The following CEP112 variants were observed in gnomAD, a reference collection of about 807,000 sequenced individuals.
CEP112 encodes centrosomal protein 112.
Under a neutral mutation model 153.0 loss-of-function variants are expected in CEP112, and 127 were observed. The ratio of observed to expected loss-of-function variants is 0.83; its 90% CI spans 0.72 to 0.96. CEP112 has a LOEUF of 0.96. Ranked by LOEUF, CEP112 falls within the 40% of genes least tolerant of loss-of-function variation. The pLI is 0.00. For synonymous variants in CEP112, 358 were observed against 374.4 expected (o/e 0.96, Z 0.51); for missense variants, 1,089 against 1,101.2 (o/e 0.99, Z 0.16).
At chr17:66,165,018 C>G (rs980048824) in intron 4 of CEP112, among the ~76,000 whole-genome samples, 2 of 150,702 alleles carry the variant, frequency 1.3e-5, no homozygotes, top group Non-Finnish European at 3.0e-5. Flanking sequence ...GGGTGATCAT[C>G]ACCAAAAAAG....
At chr17:65,951,740 C>CACG (rs1177754827) in intron 18 of CEP112, among the ~76,000 whole-genome samples, 1 of 106,352 alleles carries the variant, frequency 9.4e-6, no homozygotes, top group Non-Finnish European at 2.0e-5. Context: ...CTAATCTTCC[C>CACG]CCGCCCCCCC....
chr17:66,096,069 C>T (rs2146278039), intron 8 of CEP112, among the ~76,000 whole-genome samples, 182 bp downstream of exon 8: 1 of 152,148 alleles, frequency 6.6e-6, no homozygotes, highest in African/African-American at 2.4e-5. Context: ...TCTGGAAAAA[C>T]AAAAACAAAA....
At chr17:66,102,725 G>A (rs761658338) in intron 6 of CEP112, among the ~76,000 whole-genome samples, 35 of 149,736 alleles carry the variant, frequency 2.3e-4, no homozygotes, top group Middle Eastern at 3.5e-3. Flanking sequence ...ATGAACCTGG[G>A]AGGCAGAGCT....
At chr17:66,139,584 G>T (rs1050874506) in intron 4 of CEP112, among the ~76,000 whole-genome samples, 22 of 152,036 alleles carry the variant, frequency 1.4e-4, no homozygotes, top group Non-Finnish European at 3.1e-4. Context: ...CTCCAGTCCG[G>T]GTGACAGAGT....
intron 4 of CEP112, among the ~76,000 whole-genome samples, chr17:66,136,555 C>T (rs2070443860): frequency 6.6e-6 from 1 of 151,968 alleles, no homozygotes; most frequent in Non-Finnish European, 1.5e-5. Context: ...AGCATATATC[C>T]AACATTCAGA....
intron 21 of CEP112, among the ~76,000 whole-genome samples, chr17:65,836,847 T>C (rs370306440): frequency 1.4e-5 from 2 of 143,756 alleles, no homozygotes; most frequent in Non-Finnish European, 3.0e-5. Context: ...CCCCCTCTGA[T>C]GCCCAGCCGA....
intron 21 of CEP112, among the ~76,000 whole-genome samples, chr17:65,813,495 G>T (rs903193980): frequency 6.6e-6 from 1 of 152,182 alleles, no homozygotes; most frequent in African/African-American, 2.4e-5. Flanking sequence ...TGAGCCAACA[G>T]ATGGTTGGAT....
intron 19 of CEP112, among the ~76,000 whole-genome samples, chr17:65,924,532 G>A (rs1674416662): frequency 6.6e-6 from 1 of 151,968 alleles, no homozygotes; most frequent in Non-Finnish European, 1.5e-5. Context: ...CTGCATACAT[G>A]CACACATGAT....
chr17:65,781,062 C>T (rs1217172182), intron 21 of CEP112, among the ~76,000 whole-genome samples: 1 of 152,094 alleles, frequency 6.6e-6, no homozygotes, highest in Non-Finnish European at 1.5e-5. Context: ...CAATACTTAA[C>T]AAAAGCTCTA....
intron 21 of CEP112, among the ~76,000 whole-genome samples, chr17:65,835,193 TAAAAAA>T (rs35890393): frequency 2.3e-5 from 3 of 130,862 alleles, no homozygotes; most frequent in African/African-American, 8.9e-5. Context: ...AAAATAAAAG[TAAAAAA>T]AAAAAAAAAA....
intron 24 of CEP112, among the ~76,000 whole-genome samples, chr17:65,685,291 T>C (rs2047724664): frequency 6.6e-6 from 1 of 152,218 alleles, no homozygotes. Flanking sequence ...CATTTCTTGT[T>C]TTTATAGAAT....
chr17:66,152,559 T>G (rs1568552222), intron 4 of CEP112, among the ~76,000 whole-genome samples: 1 of 152,164 alleles, frequency 6.6e-6, no homozygotes, highest in Non-Finnish European at 1.5e-5. Flanking sequence ...CTTTGGACAC[T>G]GCATAGACAT....
chr17:65,912,741 T>C (rs2060335314), intron 19 of CEP112, among the ~76,000 whole-genome samples: 1 of 152,202 alleles, frequency 6.6e-6, no homozygotes, highest in African/African-American at 2.4e-5. Flanking sequence ...GTATCCAAAA[T>C]TATATTGATC....
chr17:66,033,217 A>T (rs1189445030), intron 12 of CEP112, among the ~76,000 whole-genome samples: 1 of 152,244 alleles, frequency 6.6e-6, no homozygotes, highest in African/African-American at 2.4e-5. Context: ...CCTAAAGAAC[A>T]GAAATGGTAG....
At chr17:65,682,166 G>A (rs1796818667) in intron 24 of CEP112, among the ~76,000 whole-genome samples, 1 of 150,350 alleles carries the variant, frequency 6.7e-6, no homozygotes, top group Non-Finnish European at 1.5e-5. Context: ...GCTAATTTTT[G>A]TATTTTTAGT....
intron 20 of CEP112, among the ~76,000 whole-genome samples, chr17:65,853,315 T>C (rs2058026026): frequency 6.6e-6 from 1 of 152,186 alleles, no homozygotes; most frequent in East Asian, 1.9e-4. Flanking sequence ...TTCAGATGGA[T>C]TTGTTCTCTC....
At chr17:65,643,516 G>A (rs1314458586) in intron 24 of CEP112, among the ~76,000 whole-genome samples, 1 of 151,140 alleles carries the variant, frequency 6.6e-6, no homozygotes, top group African/African-American at 2.4e-5. Context: ...GGCTAGGCTG[G>A]TCTTGAACTC....
rs537409397 is a variant in CEP112, at chr17:65,661,375, T to C, written c.2698-20310A>G. ...TGTATTAGGCACCATAGTGTACTCTTTTGCATATATTATATTTCATTTAAT... is the reference window on the plus strand; with the variant it reads ...TGTATTAGGCACCATAGTGTACTCTCTTGCATATATTATATTTCATTTAAT... On this transcript the variant is annotated intron_variant, in intron 24 of 26. Coordinates refer to ENST00000535342, the MANE Select transcript of CEP112 (RefSeq NM_001199165.4). 2.0e-5 allele frequency among the ~76,000 whole-genome samples: 3 copies of C among 152,320 alleles called. No homozygotes were observed. In the South Asian group the frequency reaches 6.2e-4, roughly 32 times the overall value.
chr17:65,780,658 A>AT (rs1357567504), intron 21 of CEP112, among the ~76,000 whole-genome samples: 1 of 152,120 alleles, frequency 6.6e-6, no homozygotes, highest in Non-Finnish European at 1.5e-5. Flanking sequence ...TATTTAACAA[A>AT]TTTTAATAAG....
Sources: gnomAD v4.1 joint callset for allele counts (sites outside exome capture counted in the v4.1 genomes callset) on GRCh38, gnomAD v4.1.1 for gene constraint, MANE v1.5 for transcripts, NCBI Gene and HGNC (gene_info 2026-07-23, HGNC 2026-07-21) for gene names.